GREM2: variants seen among roughly 807,000 people sequenced by gnomAD.
GREM2 encodes the protein gremlin 2, DAN family BMP antagonist, also known as gremlin-2.
A neutral mutation model predicts 14.2 loss-of-function variants in GREM2; 11 were observed. That is an observed-to-expected ratio of 0.78 (90% CI 0.49 to 1.28). The LOEUF is 1.28. GREM2 is among the 50% of genes most tolerant of loss of function. The pLI, the probability that GREM2 is intolerant of heterozygous loss-of-function variation, is 0.00. For missense variants in GREM2, 210 were observed against 218.5 expected, an observed-to-expected ratio of 0.96 and a Z score of 0.24; for synonymous variants, 98 against 97.6, an observed-to-expected ratio of 1.00 and a Z score of -0.02.
rs1161202208 is a variant in GREM2, at chr1:240,563,142, TGTGTGA to T, written c.-2+48736_-2+48741del. Among the ~76,000 whole-genome samples, 19 of 146,902 alleles carry T rather than the reference TGTGTGA, an allele frequency of 1.3e-4. 1 individual carries two copies. The highest frequency in any genetic ancestry group is 3.3e-4 in the Admixed American group (5 of 15,078). On this transcript the variant is annotated intron_variant, in intron 1 of 1. Coordinates refer to ENST00000318160, the MANE Select transcript of GREM2 (RefSeq NM_022469.4). ...ATGTGAGTGTGTATGTGTATGTGTG[TGTGTGA>T]GTGTGTATGTGTGTACGTGTGAGTG... is the stretch of plus-strand genomic sequence containing the variant.
At chr1:240,594,018 A>T (rs973051047) in intron 1 of GREM2, among the ~76,000 whole-genome samples, 3 of 152,068 alleles carry the variant, frequency 2.0e-5, no homozygotes, top group African/African-American at 7.2e-5. Context: ...CAATGGCATG[A>T]TCATAACTCA....
chr1:240,512,706 T>C lies in GREM2; in HGVS notation c.-1-19230A>G, dbSNP rs554674526. ...GTTTGAAATGCTGTATTTTAAAAAG[T>C]TTCCAGAATCATTCCATATAAGGTT... On this transcript the variant is annotated intron_variant, in intron 1 of 1. Coordinates refer to ENST00000318160, the MANE Select transcript of GREM2 (RefSeq NM_022469.4). Among the ~76,000 whole-genome samples the C allele has an allele frequency of 1.8e-4, 28 of 152,332 alleles. No individual in the cohort carries two copies. In the South Asian group the frequency reaches 5.6e-3, roughly 30 times the overall value.
intron 1 of GREM2, chr1:240,530,622 A>C (rs1179031499): frequency 6.6e-6 from 1 of 152,212 alleles, no homozygotes; most frequent in Non-Finnish European, 1.5e-5. Context: ...AATAGTTATC[A>C]TCACTAACCA....
At chr1:240,511,407 A>C (rs1677825968) in intron 1 of GREM2, among the ~76,000 whole-genome samples, 2 of 152,216 alleles carry the variant, frequency 1.3e-5, no homozygotes, top group South Asian at 4.1e-4. Flanking sequence ...ACACGAGAGA[A>C]TATCCATAGG....
intron 1 of GREM2, among the ~76,000 whole-genome samples, chr1:240,558,566 C>A (rs1005612169): frequency 6.6e-6 from 1 of 151,862 alleles, no homozygotes; most frequent in African/African-American, 2.4e-5. Flanking sequence ...ATAGCTGCAC[C>A]CTGATAATTA....
At position 240,492,468 on chromosome 1, in the gene GREM2, C is replaced by G. The variant is rs1460442158; in HGVS notation, c.*501G>C. 4 of 192,910 alleles carry G rather than the reference C, an allele frequency of 2.1e-5. No homozygotes were observed. The highest frequency in any genetic ancestry group is 3.4e-5 in the Non-Finnish European group (3 of 89,122). The allele number at this position is 192,910 out of a possible 1,614,324, so 11.9% of individuals were successfully genotyped here. The stretch of plus-strand genomic sequence containing the variant: ...CATCACAGCAGCGACCGAGGGCAGC[C>G]TGCCAGTCACAAGAATGAGCGCTCC... On this transcript the variant is annotated 3_prime_UTR_variant, in exon 2 of 2. Coordinates refer to ENST00000318160, the MANE Select transcript of GREM2 (RefSeq NM_022469.4).
At chr1:240,552,496 G>A (rs1255458918) in intron 1 of GREM2, among the ~76,000 whole-genome samples, 1 of 152,184 alleles carries the variant, frequency 6.6e-6, no homozygotes, top group East Asian at 1.9e-4. Flanking sequence ...TTGGGAAGCT[G>A]AGATGGGAGG....
intron 1 of GREM2, among the ~76,000 whole-genome samples, chr1:240,499,927 A>T (rs1324002027): frequency 6.6e-6 from 1 of 152,192 alleles, no homozygotes; most frequent in Non-Finnish European, 1.5e-5. Flanking sequence ...TTACAGAAAC[A>T]CTTTGCTAAG....
In GREM2 at chr1:240,565,683, A is replaced by C. The variant is rs370156353; in HGVS notation, c.-2+46201T>G. On this transcript the variant is annotated intron_variant, in intron 1 of 1. Transcript: ENST00000318160. ...ACATGATGAAACCCCATCTCTACCA[A>C]AAAATACAAAAAATTAGCTGAGTGT... 4.3e-4 allele frequency among the ~76,000 whole-genome samples: 65 copies of C among 151,942 alleles called. No individual in the cohort carries two copies. The East Asian group carries it at 0.012, about 28-fold the overall frequency.
intron 1 of GREM2, among the ~76,000 whole-genome samples, chr1:240,583,802 C>T (rs1679537093): frequency 6.6e-6 from 1 of 152,068 alleles, no homozygotes; most frequent in Admixed American, 6.5e-5. Flanking sequence ...TGGGGTTTCA[C>T]CTTGTTGGCC....
chr1:240,603,392 T>G (rs1679965634), intron 1 of GREM2, among the ~76,000 whole-genome samples: 1 of 152,114 alleles, frequency 6.6e-6, no homozygotes, highest in South Asian at 2.1e-4. Context: ...CCTCTTCTCT[T>G]TCTCTTGAGC....
At chr1:240,575,932 G>A (rs1291372084) in intron 1 of GREM2, among the ~76,000 whole-genome samples, 2 of 151,378 alleles carry the variant, frequency 1.3e-5, no homozygotes, top group Non-Finnish European at 2.9e-5. Flanking sequence ...GAGGGGGAGG[G>A]AAGAACAAAA....
chr1:240,568,141 A>G (rs1283450379), intron 1 of GREM2, among the ~76,000 whole-genome samples: 1 of 152,144 alleles, frequency 6.6e-6, no homozygotes, highest in African/African-American at 2.4e-5. Flanking sequence ...GTATTGTAGC[A>G]TTTATAACAT....
intron 1 of GREM2, among the ~76,000 whole-genome samples, chr1:240,560,410 C>A (rs1469736033): frequency 6.6e-6 from 1 of 152,118 alleles, no homozygotes; most frequent in Non-Finnish European, 1.5e-5. Context: ...CAGAAAATGT[C>A]TTCTGGGCTA....
chr1:240,536,619 G>GCTACGTGCATGGGGAT (rs1558153572), intron 1 of GREM2, among the ~76,000 whole-genome samples: 1 of 151,106 alleles, frequency 6.6e-6, no homozygotes, highest in African/African-American at 2.4e-5. Context: ...GCCATCTGTA[G>GCTACGTGCATGGGGAT]AGTTTAAGAC....
chr1:240,547,665 G>T (rs1463821995), intron 1 of GREM2, among the ~76,000 whole-genome samples: 1 of 151,712 alleles, frequency 6.6e-6, no homozygotes, highest in Non-Finnish European at 1.5e-5. Context: ...AAAGAAACCT[G>T]GATTTGATCT....
In GREM2 at chr1:240,507,556, T is replaced by C. The variant is rs540583490; in HGVS notation, c.-1-14080A>G. On this transcript the variant is annotated intron_variant, in intron 1 of 1. Coordinates refer to ENST00000318160, the MANE Select transcript of GREM2 (RefSeq NM_022469.4). The stretch of plus-strand genomic sequence containing the variant: ...CCATGTTGGCCAAGGTGGTCTCAAA[T>C]TCCTGACCTCAAGTGATACGCCCAC... 3.0e-4 allele frequency among the ~76,000 whole-genome samples: 45 copies of C among 152,154 alleles called. 2 individuals carry two copies. In the East Asian group the frequency reaches 8.0e-3, roughly 27 times the overall value.
At chr1:240,496,977 T>A (rs1175937856) in intron 1 of GREM2, among the ~76,000 whole-genome samples, 1 of 151,772 alleles carries the variant, frequency 6.6e-6, no homozygotes, top group Non-Finnish European at 1.5e-5. Flanking sequence ...GCCAAGATCA[T>A]GCCATTGCAC....
chr1:240,602,328 G>A (rs1405336364), intron 1 of GREM2, among the ~76,000 whole-genome samples: 2 of 152,146 alleles, frequency 1.3e-5, no homozygotes, highest in Non-Finnish European at 2.9e-5. Context: ...TACTTCAGCT[G>A]AGTAAAGTCA....
Sources: gnomAD v4.1 joint callset for allele counts (sites outside exome capture counted in the v4.1 genomes callset) on GRCh38, gnomAD v4.1.1 for gene constraint, MANE v1.5 for transcripts, NCBI Gene and HGNC (gene_info 2026-07-23, HGNC 2026-07-21) for gene names.